RANBP2: variants seen among roughly 807,000 people sequenced by gnomAD.
RANBP2 encodes the protein RAN binding protein 2.
Under a neutral mutation model 303.6 loss-of-function variants are expected in RANBP2, and 57 were observed. The observed-to-expected ratio is 0.19, with a 90% CI of 0.15 to 0.23. The LOEUF (loss-of-function observed/expected upper bound fraction) is 0.23. RANBP2 is among the 10% of genes least tolerant of loss of function. The pLI is 1.00. For synonymous variants in RANBP2, 1,167 were observed against 1,301.5 expected (o/e 0.90, Z 2.23); for missense variants, 3,138 against 3,780.8 (o/e 0.83, Z 4.46).
At chr2:109,347,604 C>A in the RANBP2 span, 26 of 1,552,904 alleles carry the variant, frequency 1.7e-5, no homozygotes, top group Non-Finnish European at 2.2e-5. Context: ...CCCGGCCTGC[C>A]CCGGCAGATC....
the RANBP2 span, among the ~76,000 whole-genome samples, chr2:108,834,543 T>C: frequency 6.6e-6 from 1 of 152,348 alleles, no homozygotes; most frequent in Admixed American, 6.5e-5. Context: ...CACTAAGTAT[T>C]GTCAAATAGT....
the RANBP2 span, among the ~76,000 whole-genome samples, chr2:109,257,622 A>G: frequency 6.6e-6 from 1 of 152,142 alleles, no homozygotes; most frequent in African/African-American, 2.4e-5. Context: ...CCTGCCACCC[A>G]TCCCATGAAG....
At chr2:109,707,406 G>T in the RANBP2 span, among the ~76,000 whole-genome samples, 2 of 152,182 alleles carry the variant, frequency 1.3e-5, no homozygotes, top group African/African-American at 4.8e-5. Context: ...AAACCCAGGG[G>T]AAGCAGTGCT....
the RANBP2 span, among the ~76,000 whole-genome samples, chr2:109,716,486 G>A: frequency 6.6e-6 from 1 of 151,850 alleles, no homozygotes; most frequent in Non-Finnish European, 1.5e-5. Flanking sequence ...TCCTGACCTC[G>A]TGATCCACCC....
At chr2:109,139,333 A>G in the RANBP2 span, among the ~76,000 whole-genome samples, 1 of 151,850 alleles carries the variant, frequency 6.6e-6, no homozygotes. Flanking sequence ...TACTGAGTTC[A>G]TGATGCCCAT....
chr2:108,786,282 T>TG (rs1346661604), downstream of RANBP2, among the ~76,000 whole-genome samples: 3 of 147,310 alleles, frequency 2.0e-5, no homozygotes, highest in Non-Finnish European at 4.5e-5. Flanking sequence ...CTTTAAGAGA[T>TG]GGGAGTCTTG....
chr2:109,315,044 C>T, the RANBP2 span, among the ~76,000 whole-genome samples: 4 of 152,358 alleles, frequency 2.6e-5, no homozygotes, highest in African/African-American at 9.6e-5. Flanking sequence ...ACAGCGACCA[C>T]ATTGAAGAGC....
At chr2:108,762,798 C>CCATCATCATCATCAT (rs112880794) in intron 19 of RANBP2, among the ~76,000 whole-genome samples, 210 of 151,294 alleles carry the variant, frequency 1.4e-3, no homozygotes, top group Non-Finnish European at 2.2e-3. Flanking sequence ...ATAAATGTTA[C>CCATCATCATCATCAT]CATCATCATC....
the RANBP2 span, chr2:108,804,821 G>C: frequency 7.6e-7 from 1 of 1,321,208 alleles, no homozygotes; most frequent in South Asian, 2.6e-5. Flanking sequence ...ATTAATTCAC[G>C]TTCCATAGTA....
At chr2:108,948,942 A>AC in the RANBP2 span, among the ~76,000 whole-genome samples, 4 of 152,110 alleles carry the variant, frequency 2.6e-5, no homozygotes, top group Non-Finnish European at 5.9e-5. Flanking sequence ...AGACAGTGAG[A>AC]CCCCCATCAC....
chr2:109,425,076 C>T, the RANBP2 span, among the ~76,000 whole-genome samples: 2 of 152,304 alleles, frequency 1.3e-5, no homozygotes, highest in East Asian at 3.9e-4. Flanking sequence ...ATTGCTGATA[C>T]GGAGAATGTT....
chr2:109,234,605 G>GT, the RANBP2 span, among the ~76,000 whole-genome samples: 1 of 152,212 alleles, frequency 6.6e-6, no homozygotes, highest in African/African-American at 2.4e-5. Flanking sequence ...AACAATAAAT[G>GT]TTTGTTTCTC....
chr2:109,223,394 G>A, the RANBP2 span, among the ~76,000 whole-genome samples: 3 of 152,192 alleles, frequency 2.0e-5, no homozygotes, highest in Non-Finnish European at 4.4e-5. Context: ...AGGAGCTGCC[G>A]TGTGCTCGCT....
the RANBP2 span, among the ~76,000 whole-genome samples, chr2:109,016,024 A>G: frequency 6.6e-6 from 1 of 152,192 alleles, no homozygotes; most frequent in African/African-American, 2.4e-5. Flanking sequence ...CTGCATTAGC[A>G]TTCGTATGCC....
At chr2:108,770,879 A>G (rs571641236) in intron 20 of RANBP2, among the ~76,000 whole-genome samples, 1 of 152,246 alleles carries the variant, frequency 6.6e-6, no homozygotes, top group South Asian at 2.1e-4. Flanking sequence ...CCACCTTGTG[A>G]GGTTTTAATA....
chr2:109,400,552 C>A, the RANBP2 span, among the ~76,000 whole-genome samples: 1 of 149,276 alleles, frequency 6.7e-6, no homozygotes, highest in Non-Finnish European at 1.5e-5. Flanking sequence ...CACACACGTA[C>A]GTATACACAT....
the RANBP2 span, among the ~76,000 whole-genome samples, chr2:109,714,443 A>G: frequency 9.9e-5 from 15 of 151,240 alleles, no homozygotes; most frequent in East Asian, 3.0e-3. Context: ...CTGGGACTAC[A>G]GGCATGCACC....
chr2:109,557,577 T>G, the RANBP2 span, among the ~76,000 whole-genome samples: 1 of 152,216 alleles, frequency 6.6e-6, no homozygotes, highest in Non-Finnish European at 1.5e-5. Flanking sequence ...GAGAAAGTAA[T>G]GGACTGCTTC....
the RANBP2 span, among the ~76,000 whole-genome samples, chr2:109,541,382 C>T: frequency 1.4e-4 from 21 of 152,172 alleles, no homozygotes; most frequent in Non-Finnish European, 3.1e-4. Flanking sequence ...CTATACATTC[C>T]TTTCTACATC....
Sources: allele counts gnomAD v4.1 joint callset (sites outside exome capture counted in the v4.1 genomes callset), GRCh38; gene constraint gnomAD v4.1.1; transcripts MANE v1.5; gene names NCBI Gene and HGNC (gene_info 2026-07-23, HGNC 2026-07-21).